IRF5: variants seen among roughly 807,000 people sequenced by gnomAD.
The protein encoded by IRF5 is interferon regulatory factor 5.
In IRF5, 24 loss-of-function variants were observed where a neutral mutation model predicts 55.1. The ratio of observed to expected loss-of-function variants is 0.44; its 90% confidence interval spans 0.32 to 0.61. The LOEUF (loss-of-function observed/expected upper bound fraction) is 0.61. Among genes scored for constraint, IRF5 ranks in the 20% least tolerant of loss-of-function variants. The pLI, the probability that IRF5 is intolerant of heterozygous loss-of-function variation, is 0.07. For synonymous variants in IRF5, 258 were observed against 260.2 expected, an observed-to-expected ratio of 0.99 and a Z score of 0.08; for missense variants, 499 against 658.5, an observed-to-expected ratio of 0.76 and a Z score of 2.65.
At position 128,948,799 on chromosome 7, in the gene IRF5, A is replaced by C. The variant is rs976049209; in HGVS notation, c.1526A>C (p.His509Pro). Residue 509 changes from histidine (H) to proline (P), a missense_variant, in exon 9 of 9, where the codon CAC (histidine) becomes CCC (proline). His to Pro is a moderately conservative substitution (Grantham distance 77). Coordinates refer to ENST00000357234, the MANE Select transcript of IRF5 (RefSeq NM_001098629.3). This position sits in a 1 kb window ranked among gnomAD's most constrained non-coding sequence, Gnocchi z 4.6. ...GTTGGCCAGGGGCCCTGGCCTATGC[A>C]CCCAGCTGGCATGCAATAACAAGGC... ...LGVGQGPWPM[H>P]PAGMQ 1.2e-6 allele frequency: 2 copies of C among 1,604,424 alleles called. No homozygotes were observed. The highest frequency in any genetic ancestry group is 8.5e-7 in the Non-Finnish European group (1 of 1,179,550).
In IRF5 at chr7:128,942,222, G is replaced by A. The variant is rs1454617138; in HGVS notation, c.141G>A (p.Trp47Ter). 6.2e-7 allele frequency: 1 copy of A among 1,614,052 alleles called. No homozygotes were observed. The highest frequency in any genetic ancestry group is 8.5e-7 in the Non-Finnish European group (1 of 1,179,988). Residue 47 changes from tryptophan to a stop codon, truncating the protein, a stop_gained, in exon 2 of 9, where the codon TGG becomes TGA. Transcript: ENST00000357234. LOFTEE classifies it high-confidence loss of function. ...NGEKKLFCIP[W>*]RHATRHGPSQ... is the part of the protein sequence containing the mutation. ...AAAAGAAATTATTCTGCATCCCCTG[G>A]AGGCATGCCACAAGGCATGGTCCCA...
chr7:128,947,416 C>T lies in IRF5; in HGVS notation c.668C>T (p.Pro223Leu), dbSNP rs1796377626. The change falls in exon 6 of 9, where the codon CCT (proline) becomes CTT (leucine). Residue 223 changes from proline (P) to leucine (L), a missense_variant. By Grantham distance (98) the Pro-to-Leu change is moderately conservative (BLOSUM62 -3). Transcript: ENST00000357234. The surrounding 1 kb of genome is among the most constrained non-coding windows in gnomAD (Gnocchi z 6.5). ...PSPLAPPPGN[P>L]AGFRELLSEV... ...CCCCTGGCTCCTCCCCCTGGCAACC[C>T]TGCTGGCTTCAGGGAGCTTCTCTCT... 2 of 1,611,286 alleles carry T rather than the reference C, an allele frequency of 1.2e-6. No homozygotes were observed. Among genetic ancestry groups the T allele is most frequent in the Non-Finnish European group, 1.7e-6 (2 of 1,179,258 alleles).
At chr7:128,944,179 G>A (rs777786501) in intron 2 of IRF5, among the ~76,000 whole-genome samples, 1 of 152,074 alleles carries the variant, frequency 6.6e-6, no homozygotes, top group East Asian at 1.9e-4. Flanking sequence ...TCCAACATAC[G>A]TCCACATCAC....
rs1796512596 is a variant in IRF5 at position 128,949,519 on chromosome 7, C to T, written c.*701C>T. ...TTGCGACCATTGGCACTGGGAGGGC[C>T]TGGCTTCTGGGCTGATGGGTCAGTT... On this transcript the variant is annotated 3_prime_UTR_variant, in exon 9 of 9. Coordinates refer to ENST00000357234, the MANE Select transcript of IRF5 (RefSeq NM_001098629.3). 6.6e-6 allele frequency: 1 copy of T among 152,234 alleles called. No homozygotes were observed. Among genetic ancestry groups the T allele is most frequent in the Non-Finnish European group, 1.5e-5 (1 of 68,078 alleles). 9.4% of individuals were successfully genotyped at this position (152,234 alleles called of 1,614,324 possible).
At position 128,943,989 on chromosome 7, in the gene IRF5, C is replaced by T. The variant is rs534288507; in HGVS notation, c.195+1713C>T. ...CCTCCTGAGTAGCTGGTATCACAGG[C>T]GCAAGCCACTGTGCTCTCTCCAATA... On this transcript the variant is annotated intron_variant, in intron 2 of 8. Transcript: ENST00000357234. Among the ~76,000 whole-genome samples the T allele has an allele frequency of 1.8e-4, 28 of 152,278 alleles. No individual in the cohort carries two copies. In the South Asian group the frequency reaches 3.3e-3, roughly 18 times the overall value.
intron 2 of IRF5, among the ~76,000 whole-genome samples, chr7:128,945,588 ACT>A (rs1796255503): frequency 6.6e-6 from 1 of 152,124 alleles, no homozygotes; most frequent in Non-Finnish European, 1.5e-5. Flanking sequence ...TAGAGATCAC[ACT>A]GTTTCACCCT....
Position 128,942,371 on chromosome 7 carries a change from G to C in IRF5, c.195+95G>C, listed in dbSNP as rs1796075149. 9.0e-6 allele frequency: 10 copies of C among 1,110,824 alleles called. No homozygotes were observed. In the Admixed American group the frequency reaches 2.0e-4, roughly 22 times the overall value. 68.8% of individuals were successfully genotyped at this position (1,110,824 alleles called of 1,614,324 possible). A position where few individuals can be genotyped will look rare whatever the true frequency, so the allele number is the denominator to read the frequency against. ...GCACACAGGCAGCTCCTCGAGGCTGGCCACCCGCCCAGCTACCATGCTGCT... is the reference window on the plus strand; with the variant it reads ...GCACACAGGCAGCTCCTCGAGGCTGCCCACCCGCCCAGCTACCATGCTGCT... On this transcript the variant is annotated intron_variant, in intron 2 of 8. Transcript: ENST00000357234.
intron 1 of IRF5, chr7:128,941,538 G>C (rs566084643): frequency 6.5e-6 from 1 of 152,690 alleles, no homozygotes; most frequent in South Asian, 2.1e-4. Flanking sequence ...CATCTCCGGA[G>C]GGAACTCTCA....
rs1322176623 is a variant in IRF5, at chr7:128,947,046, G to GA, written c.472dup (p.Ser158LysfsTer75). 8 of 1,614,118 alleles carry GA rather than the reference G, an allele frequency of 5.0e-6. No homozygotes were observed. The highest frequency in any genetic ancestry group is 6.8e-6 in the Non-Finnish European group (8 of 1,180,008). Reference sequence around the variant, plus strand: ...AGCTGCAGAGGATGTTGCCAAGCCTGAGCCTCACAGGTGGGGCCGGGAGGT... The same window carrying GA: ...AGCTGCAGAGGATGTTGCCAAGCCTGAAGCCTCACAGGTGGGGCCGGGAGGT... On this transcript the variant is annotated frameshift_variant, in exon 5 of 9. Transcript: ENST00000357234. LOFTEE classifies it high-confidence loss of function. This position sits in a 1 kb window ranked among gnomAD's most constrained non-coding sequence, Gnocchi z 6.5.
intron 2 of IRF5, among the ~76,000 whole-genome samples, chr7:128,944,655 C>G (rs1717830456): frequency 2.0e-5 from 3 of 152,302 alleles, no homozygotes; most frequent in South Asian, 4.1e-4. Context: ...GATTTTTATG[C>G]ACATGTAAGC....
intron 2 of IRF5, among the ~76,000 whole-genome samples, chr7:128,945,590 T>A (rs963958004): frequency 1.1e-4 from 16 of 152,188 alleles, no homozygotes; most frequent in African/African-American, 3.6e-4. Flanking sequence ...GAGATCACAC[T>A]GTTTCACCCT....
At chr7:128,943,786 G>T (rs1796166479) in intron 2 of IRF5, among the ~76,000 whole-genome samples, 1 of 132,164 alleles carries the variant, frequency 7.6e-6, no homozygotes, top group Non-Finnish European at 1.5e-5. Flanking sequence ...GGCCAGGCTG[G>T]TCTTGAACTC....
Position 128,947,503 on chromosome 7 carries a change from C to T in IRF5, c.755C>T (p.Pro252Leu). The T allele has an allele frequency of 6.3e-7, 1 of 1,590,162 alleles. No homozygotes were observed. Among genetic ancestry groups the T allele is most frequent in the Non-Finnish European group, 8.5e-7 (1 of 1,171,580 alleles). ...CCCCCTGCAGGCGAACAGCTCCTGC[C>T]AGACCTGCTGATCAGCCCCCACATG... ...SLPPAGEQLLPDLLISPHMLP... is the reference protein window; with the variant it reads ...SLPPAGEQLLLDLLISPHMLP... Residue 252 changes from proline (P) to leucine (L), a missense_variant, in exon 6 of 9, where the codon CCA (proline) becomes CTA (leucine). By Grantham distance (98) the Pro-to-Leu change is moderately conservative (BLOSUM62 -3). This residue lies in a region of IRF5 where 305 missense variants were observed against 340.2 expected (regional missense o/e 0.90). Coordinates refer to ENST00000357234, the MANE Select transcript of IRF5 (RefSeq NM_001098629.3). This position sits in a 1 kb window ranked among gnomAD's most constrained non-coding sequence, Gnocchi z 6.5.
intron 1 of IRF5, 102 bp downstream of exon 1, chr7:128,938,151 C>T (rs1344846051): frequency 6.6e-6 from 1 of 152,124 alleles, no homozygotes; most frequent in Non-Finnish European, 1.5e-5. Context: ...TAGGCCTAGA[C>T]TGGGCCCCGC....
rs1342218209 is a variant in IRF5, at chr7:128,946,023, C to T, written c.374C>T (p.Pro125Leu). Residue 125 changes from proline to leucine, a missense_variant, in exon 3 of 9, where the codon CCT becomes CTT. By Grantham distance (98) the Pro-to-Leu change is moderately conservative (BLOSUM62 -3). Coordinates refer to ENST00000357234, the MANE Select transcript of IRF5 (RefSeq NM_001098629.3). This position sits in a 1 kb window ranked among gnomAD's most constrained non-coding sequence, Gnocchi z 4.2. ...ATCTACGAGGTCTGCTCCAATGGCC[C>T]TGCTCCCACAGGTATCAGGCCTAGC... is the stretch of plus-strand genomic sequence containing the variant. Reference protein sequence around the residue: ...YKIYEVCSNGPAPTDSQPPED... With the variant: ...YKIYEVCSNGLAPTDSQPPED... The T allele has an allele frequency of 1.2e-6, 2 of 1,603,236 alleles. No homozygotes were observed. The highest frequency in any genetic ancestry group is 1.7e-6 in the Non-Finnish European group (2 of 1,176,474).
rs756537030 is a variant in IRF5, at chr7:128,947,290, G to GGCCGCCCACTCTGCA, written c.557_571dup (p.Gln186_Leu190dup). On this transcript the variant is annotated inframe_insertion, in exon 6 of 9. Coordinates refer to ENST00000357234, the MANE Select transcript of IRF5 (RefSeq NM_001098629.3). The surrounding 1 kb of genome is among the most constrained non-coding windows in gnomAD (Gnocchi z 6.5). ...TCTTTACTCAAAGAGGATGTCAAGT[G>GGCCGCCCACTCTGCA]GCCGCCCACTCTGCAGCCGCCCACT... is the stretch of plus-strand genomic sequence containing the variant. 1.5e-4 allele frequency: 235 copies of GGCCGCCCACTCTGCA among 1,608,150 alleles called. No homozygotes were observed. The highest frequency in any genetic ancestry group is 1.8e-4 in the Non-Finnish European group (212 of 1,178,040).
chr7:128,939,823 G>A (rs1265010867), intron 1 of IRF5, among the ~76,000 whole-genome samples: 1 of 152,194 alleles, frequency 6.6e-6, no homozygotes, highest in African/African-American at 2.4e-5. Flanking sequence ...CCCACCTTCC[G>A]GGGCTCAGGT....
chr7:128,945,079 G>A (rs1050969474), intron 2 of IRF5, among the ~76,000 whole-genome samples: 1 of 152,190 alleles, frequency 6.6e-6, no homozygotes, highest in Non-Finnish European at 1.5e-5. Context: ...CCTGTCCTAT[G>A]TGCAGGTTTA....
In IRF5 at chr7:128,948,841, C is replaced by T. The variant is rs764228557; in HGVS notation, c.*23C>T. 3 of 1,591,374 alleles carry T rather than the reference C, an allele frequency of 1.9e-6. No homozygotes were observed. Among genetic ancestry groups the T allele is most frequent in the Admixed American group, 1.7e-5 (1 of 59,606 alleles). On this transcript the variant is annotated 3_prime_UTR_variant, in exon 9 of 9. Coordinates refer to ENST00000357234, the MANE Select transcript of IRF5 (RefSeq NM_001098629.3). The surrounding 1 kb of genome is among the most constrained non-coding windows in gnomAD (Gnocchi z 4.6). ...TAACAAGGCTGCAGACGGTGACTGG[C>T]CCTGGCTTCCTGGGTGGCGGTGCGG...
Sources: allele counts gnomAD v4.1 joint callset (sites outside exome capture counted in the v4.1 genomes callset), GRCh38; gene constraint gnomAD v4.1.1; regional missense constraint gnomAD v4.1.1; non-coding constraint Gnocchi (gnomAD v3.1); transcripts MANE v1.5; gene names NCBI Gene and HGNC (gene_info 2026-07-23, HGNC 2026-07-21).